The following RNF144A variants were observed in gnomAD, a reference collection of about 807,000 sequenced individuals.
The protein encoded by RNF144A is ring finger protein 144A, also known as E3 ubiquitin-protein ligase RNF144A.
A neutral mutation model predicts 38.7 loss-of-function variants in RNF144A; 11 were observed. The observed-to-expected ratio is 0.28, with a 90% CI of 0.18 to 0.47. RNF144A has a LOEUF of 0.47. RNF144A is among the 20% of genes least tolerant of loss of function. The pLI is 0.99. For missense variants in RNF144A, 316 were observed against 377.2 expected (o/e 0.84, Z 1.34); for synonymous variants, 149 against 143.9 (o/e 1.04, Z -0.25).
At chr2:7,057,608 T>C (rs922343603) in intron 6 of RNF144A, among the ~76,000 whole-genome samples, 1 of 152,200 alleles carries the variant, frequency 6.6e-6, no homozygotes, top group African/African-American at 2.4e-5. Context: ...ATAAGAATAA[T>C]AGATGAGGAA....
Position 7,039,488 on chromosome 2 carries a change from GTAGATGGATGGATGGA to G in RNF144A, c.748-129_748-114del, listed in dbSNP as rs201458947. On this transcript the variant is annotated intron_variant, in intron 8 of 8. Coordinates refer to ENST00000320892, the MANE Select transcript of RNF144A (RefSeq NM_014746.6). ...GAATGAGTAGATGATGACTAGATGGGTAGATGGATGGATGGATAGATGGATGGTTGGGTGGATGGAT... is the reference window on the plus strand; with the variant it reads ...GAATGAGTAGATGATGACTAGATGGGTAGATGGATGGTTGGGTGGATGGAT... 4.7e-3 allele frequency: 6,694 copies of G among 1,433,918 alleles called. 44 individuals carry two copies. Among genetic ancestry groups the G allele is most frequent in the East Asian group, 0.011 (490 of 43,270 alleles). 88.8% of individuals were successfully genotyped at this position (1,433,918 alleles called of 1,614,324 possible). A position where few individuals can be genotyped will look rare whatever the true frequency, so the allele number is the denominator to read the frequency against.
intron 2 of RNF144A, among the ~76,000 whole-genome samples, chr2:6,964,283 CCA>C (rs1482574913): frequency 6.6e-6 from 1 of 152,146 alleles, no homozygotes; most frequent in Non-Finnish European, 1.5e-5. Context: ...CCATCTCACA[CCA>C]GTTAGAATGG....
At chr2:6,963,679 A>G (rs2103334045) in intron 2 of RNF144A, among the ~76,000 whole-genome samples, 1 of 151,990 alleles carries the variant, frequency 6.6e-6, no homozygotes, top group Non-Finnish European at 1.5e-5. Flanking sequence ...TCTCTTTTCC[A>G]CTTTCTTCTC....
intron 5 of RNF144A, among the ~76,000 whole-genome samples, chr2:7,016,800 C>A (rs1671168957): frequency 6.6e-6 from 1 of 151,996 alleles, no homozygotes; most frequent in Non-Finnish European, 1.5e-5. Context: ...AGAGGACGCC[C>A]TGGAAGAAAA....
chr2:6,937,781 C>A (rs967711960), intron 1 of RNF144A, among the ~76,000 whole-genome samples: 4 of 152,064 alleles, frequency 2.6e-5, no homozygotes, highest in African/African-American at 9.7e-5. Flanking sequence ...TCTCGGCTGG[C>A]GGAGACATTG....
At chr2:6,980,146 A>T (rs1279585749) in intron 2 of RNF144A, among the ~76,000 whole-genome samples, 2 of 152,180 alleles carry the variant, frequency 1.3e-5, no homozygotes, top group African/African-American at 4.8e-5. Context: ...GAAGATTACA[A>T]TTTGACATGA....
chr2:7,000,141 A>T (rs912104760), intron 3 of RNF144A, among the ~76,000 whole-genome samples: 4 of 152,234 alleles, frequency 2.6e-5, no homozygotes, highest in Admixed American at 6.5e-5. Context: ...TCTGGAGGTC[A>T]CAAGAGCCTG....
intron 6 of RNF144A, among the ~76,000 whole-genome samples, chr2:7,055,587 A>G (rs1047159862): frequency 1.3e-5 from 2 of 152,154 alleles, no homozygotes; most frequent in South Asian, 2.1e-4. Context: ...TACCATTTGC[A>G]TGGCCAGGAG....
Position 7,042,057 on chromosome 2 carries a change from G to T in RNF144A, c.*2297G>T. The T allele has an allele frequency of 2.8e-5, 28 of 985,276 alleles. No individual in the cohort carries two copies. Among genetic ancestry groups the T allele is most frequent in the Non-Finnish European group, 3.4e-5 (28 of 829,902 alleles). 61.0% of individuals were successfully genotyped at this position (985,276 alleles called of 1,614,324 possible). On this transcript the variant is annotated 3_prime_UTR_variant, in exon 9 of 9. Transcript: ENST00000320892. Reference sequence around the variant, plus strand: ...GGGGCAGTCAAATTGGCACCTACTGGCTCTGACTTTTTGTATGAAGCATGC... The same window carrying T: ...GGGGCAGTCAAATTGGCACCTACTGTCTCTGACTTTTTGTATGAAGCATGC...
At position 7,039,997 on chromosome 2, in the gene RNF144A, C is replaced by G. The variant is rs1672951184; in HGVS notation, c.*237C>G. 1 of 1,283,842 alleles carries G rather than the reference C, an allele frequency of 7.8e-7. No homozygotes were observed. The highest frequency in any genetic ancestry group is 2.0e-5 in the South Asian group (1 of 51,216). The allele number at this position is 1,283,842 out of a possible 1,614,324, so 79.5% of individuals were successfully genotyped here. On this transcript the variant is annotated 3_prime_UTR_variant, in exon 9 of 9. Coordinates refer to ENST00000320892, the MANE Select transcript of RNF144A (RefSeq NM_014746.6). ...AGCGCACATCCCCACAGATCAATCTCTGCAGATGACAGGGAGGTGCTGTGA... is the reference window on the plus strand; with the variant it reads ...AGCGCACATCCCCACAGATCAATCTGTGCAGATGACAGGGAGGTGCTGTGA...
downstream of RNF144A, among the ~76,000 whole-genome samples, chr2:7,044,515 A>C (rs887380136): frequency 6.6e-6 from 1 of 152,096 alleles, no homozygotes; most frequent in Admixed American, 6.5e-5. Context: ...TCTCATCCCC[A>C]CTCAGGGCGC....
intron 1 of RNF144A, among the ~76,000 whole-genome samples, chr2:6,929,290 C>T (rs898029933): frequency 3.3e-5 from 5 of 152,120 alleles, no homozygotes; most frequent in Non-Finnish European, 5.9e-5. Context: ...ATACTGCCCT[C>T]GCCACCATAT....
At chr2:7,015,733 G>C (rs11885735) in intron 5 of RNF144A, among the ~76,000 whole-genome samples, 1 of 151,906 alleles carries the variant, frequency 6.6e-6, no homozygotes, top group Non-Finnish European at 1.5e-5. Flanking sequence ...GTGTGCAGGC[G>C]ACACTCCATA....
chr2:7,025,281 A>G (rs997847193), intron 7 of RNF144A, among the ~76,000 whole-genome samples: 28 of 152,200 alleles, frequency 1.8e-4, no homozygotes, highest in African/African-American at 6.5e-4. Context: ...TTAGCTTCTC[A>G]TTCTCCTTCC....
intron 2 of RNF144A, among the ~76,000 whole-genome samples, chr2:6,972,285 G>T (rs1179959817): frequency 6.6e-6 from 1 of 152,202 alleles, no homozygotes; most frequent in Non-Finnish European, 1.5e-5. Flanking sequence ...GACAGTCTGA[G>T]ATGCTGCTGT....
chr2:6,933,190 C>G (rs932915030), intron 1 of RNF144A: 1 of 152,132 alleles, frequency 6.6e-6, no homozygotes, highest in Non-Finnish European at 1.5e-5. Flanking sequence ...TGGAGGGATT[C>G]CTTTGGAACC....
intron 2 of RNF144A, among the ~76,000 whole-genome samples, chr2:6,976,410 G>T (rs540323853): frequency 1.3e-5 from 2 of 151,798 alleles, no homozygotes; most frequent in Non-Finnish European, 1.5e-5. Flanking sequence ...TTCCTTGATC[G>T]TTTTTTATTC....
chr2:7,014,649 C>T lies in RNF144A; in HGVS notation c.241-63C>T, dbSNP rs188677454. ...ATAACGTGGGTTTTGTTTGGGTGTG[C>T]GTTGCATTATATTCTAGCCCTCAGC... is the stretch of plus-strand genomic sequence containing the variant. On this transcript the variant is annotated intron_variant, in intron 4 of 8. Coordinates refer to ENST00000320892, the MANE Select transcript of RNF144A (RefSeq NM_014746.6). 382 of 1,532,052 alleles carry T rather than the reference C, an allele frequency of 2.5e-4. 1 individual carries two copies. The highest frequency in any genetic ancestry group is 8.7e-4 in the Admixed American group (52 of 59,446). 94.9% of individuals were successfully genotyped at this position (1,532,052 alleles called of 1,614,324 possible).
At chr2:7,031,321 G>A (rs1003569984) in intron 8 of RNF144A, among the ~76,000 whole-genome samples, 53 of 151,962 alleles carry the variant, frequency 3.5e-4, no homozygotes, top group Non-Finnish European at 4.3e-4. Flanking sequence ...AGATACAGTG[G>A]TGCGTGAGAC....
Sources: gnomAD v4.1 joint callset for allele counts (sites outside exome capture counted in the v4.1 genomes callset) on GRCh38, gnomAD v4.1.1 for gene constraint, MANE v1.5 for transcripts, NCBI Gene and HGNC (gene_info 2026-07-23, HGNC 2026-07-21) for gene names.